Variants in ZNF687 observed in about 807,000 individuals in gnomAD.
The protein encoded by ZNF687 is zinc finger protein 687.
A neutral mutation model predicts 71.8 loss-of-function variants in ZNF687; 13 were observed. The observed-to-expected ratio is 0.18, with a 90% CI of 0.12 to 0.29. ZNF687 has a LOEUF of 0.29. Among genes scored for constraint, ZNF687 ranks in the 10% least tolerant of loss-of-function variants. The pLI, the probability that ZNF687 is intolerant of heterozygous loss-of-function variation, is 1.00. For synonymous variants in ZNF687, 673 were observed against 641.6 expected (o/e 1.05, Z -0.74); for missense variants, 1,412 against 1,625.6 (o/e 0.87, Z 2.26).
rs781157675 is a variant in ZNF687 at position 151,288,339 on chromosome 1, G to A, written c.2048G>A (p.Arg683Gln). Residue 683 changes from arginine to glutamine, a missense_variant, in exon 2 of 9, where the codon CGG (arginine) becomes CAG (glutamine). By Grantham distance (43) the Arg-to-Gln change is conservative (BLOSUM62 1). This residue lies in a region of ZNF687 where 207 missense variants were observed against 239.2 expected (regional missense o/e 0.87). Transcript: ENST00000336715. Reference sequence around the variant, plus strand: ...TGCCTGGAGTGCAAGGAACAGTGCCGGGACAAGGCTGGCATGGCAGCTCAC... The same window carrying A: ...TGCCTGGAGTGCAAGGAACAGTGCCAGGACAAGGCTGGCATGGCAGCTCAC... The part of the protein sequence containing the change: ...FRCLECKEQC[R>Q]DKAGMAAHFQ... 71 of 1,611,190 alleles carry A rather than the reference G, an allele frequency of 4.4e-5. No individual in the cohort carries two copies. The highest frequency in any genetic ancestry group is 5.7e-5 in the Non-Finnish European group (67 of 1,179,944).
intron 1 of ZNF687, among the ~76,000 whole-genome samples, chr1:151,284,906 C>CACAGGGGA (rs1693879306): frequency 6.9e-6 from 1 of 145,352 alleles, no homozygotes; most frequent in Non-Finnish European, 1.5e-5. Context: ...ACCTCCCGGG[C>CACAGGGGA]TCAGGGGATC....
Position 151,288,135 on chromosome 1 carries a change from C to T in ZNF687, c.1844C>T (p.Pro615Leu), listed in dbSNP as rs373311825. ...DQMVGQPDIT[P>L]LLPVAVPPVS... ...ATGGTGGGGCAGCCGGACATCACAC[C>T]GCTGCTGCCTGTAGCTGTCCCACCT... The change falls in exon 2 of 9, where the codon CCG (proline) becomes CTG (leucine). Residue 615 changes from proline to leucine, a missense_variant. This residue lies in a region of ZNF687 where 207 missense variants were observed against 239.2 expected (regional missense o/e 0.87). Coordinates refer to ENST00000336715, the MANE Select transcript of ZNF687 (RefSeq NM_020832.3). 2.3e-5 allele frequency: 37 copies of T among 1,613,746 alleles called. No homozygotes were observed. The African/African-American group carries it at 4.5e-4, about 20-fold the overall frequency.
Position 151,290,474 on chromosome 1 carries a change from C to A in ZNF687, c.3120C>A (p.Ile1040=). ...AACGCACCTTCAGCAGCCGCCTGAT[C>A]CTAGAGAAACATGTCCAGGTCCGGC... ...EGKRTFSSRL[I]LEKHVQVRHG... Residue 1040 remains isoleucine (I), a synonymous_variant, in exon 8 of 9, where the codon ATC becomes ATA. Transcript: ENST00000336715. 2 of 1,614,044 alleles carry A rather than the reference C, an allele frequency of 1.2e-6. No homozygotes were observed. Among genetic ancestry groups the A allele is most frequent in the Non-Finnish European group, 1.7e-6 (2 of 1,180,020 alleles).
At position 151,289,876 on chromosome 1, in the gene ZNF687, C is replaced by T. The variant is rs587608106; in HGVS notation, c.2833C>T (p.Arg945Trp). Reference protein sequence around the residue: ...PEPPRPAKRPRRELGSKGLKG... With the variant: ...PEPPRPAKRPWRELGSKGLKG... ...GCCCCCCCGTCCAGCCAAACGGCCT[C>T]GGCGGGAACTAGGGAGCAAAGGCCT... is the stretch of plus-strand genomic sequence containing the variant. The change falls in exon 6 of 9, where the codon CGG (arginine) becomes TGG (tryptophan). Residue 945 changes from arginine to tryptophan, a missense_variant. Arg to Trp is a moderately radical substitution (Grantham distance 101). Coordinates refer to ENST00000336715, the MANE Select transcript of ZNF687 (RefSeq NM_020832.3). 6.4e-6 allele frequency: 10 copies of T among 1,563,316 alleles called. No homozygotes were observed. The East Asian group carries it at 7.2e-5, about 11-fold the overall frequency.
chr1:151,283,892 G>A (rs1381849005), intron 1 of ZNF687: 4 of 985,346 alleles, frequency 4.1e-6, no homozygotes, highest in Non-Finnish European at 4.8e-6. Context: ...TGGGAGAGCT[G>A]GCTGGGAAAT....
rs587594775 is a variant in ZNF687 at position 151,283,160 on chromosome 1, T to C, written c.-18+765T>C. 1.0e-5 allele frequency: 10 copies of C among 985,366 alleles called. No individual in the cohort carries two copies. The African/African-American group carries it at 1.7e-4, about 17-fold the overall frequency. 61.0% of individuals were successfully genotyped at this position (985,366 alleles called of 1,614,324 possible). ...AGTTTCCCTTGTAGTTTCTCATGTG[T>C]ACACCCCGCCCCCTCCTCGAAACCC... On this transcript the variant is annotated intron_variant, in intron 1 of 8. Transcript: ENST00000336715.
Position 151,290,526 on chromosome 1 carries a change from C to G in ZNF687, c.3172C>G (p.Pro1058Ala). Residue 1058 changes from proline (P) to alanine (A), a missense_variant, in exon 8 of 9, where the codon CCT (proline) becomes GCT (alanine). Pro to Ala is a conservative substitution (Grantham distance 27). Coordinates refer to ENST00000336715, the MANE Select transcript of ZNF687 (RefSeq NM_020832.3). ...RHGLQLGAQS[P>A]GRGTTLARGS... ...CGGCTTGCAGCTTGGGGCCCAGTCC[C>G]CTGGCCGGGGGACCACCTTGGCTCG... The G allele has an allele frequency of 2.5e-6, 4 of 1,613,914 alleles. No individual in the cohort carries two copies. In the Admixed American group the frequency reaches 6.7e-5, roughly 27 times the overall value.
Position 151,287,424 on chromosome 1 carries a change from C to T in ZNF687, c.1133C>T (p.Pro378Leu). The T allele has an allele frequency of 1.2e-6, 2 of 1,614,030 alleles. No individual in the cohort carries two copies. The highest frequency in any genetic ancestry group is 2.2e-5 in the East Asian group (1 of 44,710). Residue 378 changes from proline (P) to leucine (L), a missense_variant, in exon 2 of 9, where the codon CCT (proline) becomes CTT (leucine). By Grantham distance (98) the Pro-to-Leu change is moderately conservative. Coordinates refer to ENST00000336715, the MANE Select transcript of ZNF687 (RefSeq NM_020832.3). This position sits in a 1 kb window ranked among gnomAD's most constrained non-coding sequence, Gnocchi z 5.0. ...CTCTTGAAGCTGTCCCCTGCAACAC[C>T]TACTTCTGAGGGTCCAAAGGTGGTG... Reference protein sequence around the residue: ...ASLLKLSPATPTSEGPKVVSV... With the variant: ...ASLLKLSPATLTSEGPKVVSV...
In ZNF687 at chr1:151,287,825, C is replaced by T; in HGVS notation, c.1534C>T (p.Pro512Ser). The T allele has an allele frequency of 6.2e-7, 1 of 1,614,076 alleles. No homozygotes were observed. Among genetic ancestry groups the T allele is most frequent in the Non-Finnish European group, 8.5e-7 (1 of 1,180,026 alleles). ...NKILNSKNLL[P>S]AYRPNLSPPA... is the part of the protein sequence containing the mutation. ...GATCCTCAACAGCAAGAACCTGCTC[C>T]CTGCCTATAGGCCAAACCTGAGCCC... The change falls in exon 2 of 9, where the codon CCT (proline) becomes TCT (serine). Residue 512 changes from proline (P) to serine (S), a missense_variant. Pro to Ser is a moderately conservative substitution (Grantham distance 74, BLOSUM62 -1). Transcript: ENST00000336715. This position sits in a 1 kb window ranked among gnomAD's most constrained non-coding sequence, Gnocchi z 5.0.
chr1:151,289,754 A>C lies in ZNF687; in HGVS notation c.2711A>C (p.Glu904Ala), dbSNP rs929556120. Residue 904 changes from glutamate to alanine, a missense_variant, in exon 6 of 9, where the codon GAG (glutamate) becomes GCG (alanine). By Grantham distance (107) the Glu-to-Ala change is moderately radical (BLOSUM62 -1). Coordinates refer to ENST00000336715, the MANE Select transcript of ZNF687 (RefSeq NM_020832.3). ...GGTGCCCTGCTGACCCCCAAGACTG[A>C]GCCTGAGGAGCTGGCTGTTTCTCAG... ...AGGALLTPKT[E>A]PEELAVSQGG... 1.3e-6 allele frequency: 2 copies of C among 1,559,692 alleles called. No homozygotes were observed. Among genetic ancestry groups the C allele is most frequent in the Non-Finnish European group, 1.7e-6 (2 of 1,151,204 alleles).
At chr1:151,288,854 C>G in intron 3 of ZNF687, 148 bp downstream of exon 3, 1 of 1,115,390 alleles carries the variant, frequency 9.0e-7, no homozygotes, top group African/African-American at 1.6e-5. Context: ...GTACGTCCTG[C>G]CTTCCCGTCG....
upstream of ZNF687, chr1:151,282,183 A>AG (rs2101852900): frequency 8.9e-7 from 1 of 1,120,448 alleles, no homozygotes; most frequent in East Asian, 7.0e-5. Flanking sequence ...CGGGGCTGGA[A>AG]GGGGCACAGG....
rs750851185 is a variant in ZNF687, at chr1:151,291,519, C to T, written c.*310C>T. ...GGTGGGAGGATGGGACTTAGGTATG[C>T]CTGCTAGACAGGTTCAGGGAAGGAC... On this transcript the variant is annotated 3_prime_UTR_variant, in exon 9 of 9. Transcript: ENST00000336715. 9.7e-6 allele frequency: 3 copies of T among 308,794 alleles called. No homozygotes were observed. Among genetic ancestry groups the T allele is most frequent in the Non-Finnish European group, 1.8e-5 (3 of 163,770 alleles). 19.1% of individuals were successfully genotyped at this position (308,794 alleles called of 1,614,324 possible). A position where few individuals can be genotyped will look rare whatever the true frequency, so the allele number is the denominator to read the frequency against.
In ZNF687 at chr1:151,291,192, G is replaced by A; in HGVS notation, c.3697G>A (p.Ala1233Thr). Reference sequence around the variant, plus strand: ...GGCGTTCATCAGGGCTCGGCAGGGGGCTGTTGGGGACAACTAGTCTCCAAG... The same window carrying A: ...GGCGTTCATCAGGGCTCGGCAGGGGACTGTTGGGGACAACTAGTCTCCAAG... The part of the protein sequence containing the change: ...GMAFIRARQG[A>T]VGDN The change falls in exon 9 of 9, where the codon GCT becomes ACT. Residue 1233 changes from alanine to threonine, a missense_variant. Around this residue, in one of 8 missense-constraint regions of ZNF687, gnomAD observed 284 missense variants for 359.2 expected, o/e 0.79. Coordinates refer to ENST00000336715, the MANE Select transcript of ZNF687 (RefSeq NM_020832.3). 1.2e-6 allele frequency: 2 copies of A among 1,610,972 alleles called. No homozygotes were observed. Among genetic ancestry groups the A allele is most frequent in the Non-Finnish European group, 1.7e-6 (2 of 1,178,668 alleles).
chr1:151,288,165 C>T lies in ZNF687; in HGVS notation c.1874C>T (p.Ser625Phe), dbSNP rs1250659407. The change falls in exon 2 of 9, where the codon TCT (serine) becomes TTT (phenylalanine). Residue 625 changes from serine (S) to phenylalanine (F), a missense_variant. Around this residue, in one of 8 missense-constraint regions of ZNF687, gnomAD observed 207 missense variants for 239.2 expected, o/e 0.87. Coordinates refer to ENST00000336715, the MANE Select transcript of ZNF687 (RefSeq NM_020832.3). ...CTGCCTGTAGCTGTCCCACCTGTCT[C>T]TGGACCTCTGGCCTTGCCTGCCTTG... ...PLLPVAVPPV[S>F]GPLALPALGK... The T allele has an allele frequency of 1.9e-6, 3 of 1,613,878 alleles. No homozygotes were observed. The highest frequency in any genetic ancestry group is 1.7e-6 in the Non-Finnish European group (2 of 1,179,956).
intron 3 of ZNF687, 104 bp downstream of exon 3, chr1:151,288,810 G>A (rs763455863): frequency 5.9e-5 from 80 of 1,360,858 alleles, no homozygotes; most frequent in Non-Finnish European, 7.9e-5. Flanking sequence ...ATATCCCTCA[G>A]CCCTGTTGTT....
At chr1:151,283,023 T>G in intron 1 of ZNF687, 1 of 697,318 alleles carries the variant, frequency 1.4e-6, no homozygotes, top group Non-Finnish European at 1.8e-6. Flanking sequence ...CCCTATCCTG[T>G]GTAGTCCTGG....
intron 1 of ZNF687, chr1:151,283,293 G>A (rs996009304): frequency 4.1e-6 from 4 of 985,456 alleles, no homozygotes; most frequent in Non-Finnish European, 4.8e-6. Flanking sequence ...CCTCCTCTGC[G>A]CTGCAGGCCT....
chr1:151,281,671 T>C, upstream of ZNF687: 1 of 459,588 alleles, frequency 2.2e-6, no homozygotes, highest in Non-Finnish European at 4.6e-6. Flanking sequence ...CATCAGATTA[T>C]ATGGCGATTT....
Sources: allele counts gnomAD v4.1 joint callset (sites outside exome capture counted in the v4.1 genomes callset), GRCh38; gene constraint gnomAD v4.1.1; regional missense constraint gnomAD v4.1.1; non-coding constraint Gnocchi (gnomAD v3.1); transcripts MANE v1.5; gene names NCBI Gene and HGNC (gene_info 2026-07-23, HGNC 2026-07-21).